Variants in TTC7B observed in about 807,000 individuals in gnomAD.
TTC7B encodes the protein tetratricopeptide repeat domain 7B.
In TTC7B, 28 loss-of-function variants were observed where a neutral mutation model predicts 106.8. The ratio of observed to expected loss-of-function variants is 0.26; its 90% CI spans 0.19 to 0.36. The LOEUF (loss-of-function observed/expected upper bound fraction) is 0.36. Ranked by LOEUF, TTC7B falls within the 10% of genes least tolerant of loss-of-function variation. The pLI is 1.00. For synonymous variants in TTC7B, 405 were observed against 430.6 expected, an observed-to-expected ratio of 0.94 and a Z score of 0.74; for missense variants, 862 against 1,076.4, an observed-to-expected ratio of 0.80 and a Z score of 2.79.
At chr14:90,551,131 C>T (rs978457396) in intron 19 of TTC7B, among the ~76,000 whole-genome samples, 4 of 152,188 alleles carry the variant, frequency 2.6e-5, no homozygotes, top group Admixed American at 2.6e-4. Context: ...AACACTCTTA[C>T]AGAGGAGAAA....
chr14:90,551,477 C>T (rs564020634), intron 19 of TTC7B, among the ~76,000 whole-genome samples: 1 of 152,256 alleles, frequency 6.6e-6, no homozygotes, highest in South Asian at 2.1e-4. Context: ...CACAGTTGGT[C>T]TGGCCGTCTG....
intron 9 of TTC7B, among the ~76,000 whole-genome samples, chr14:90,658,875 G>A (rs1358608359): frequency 3.9e-5 from 6 of 152,192 alleles, no homozygotes; most frequent in Non-Finnish European, 5.9e-5. Flanking sequence ...CTGCCGTGGT[G>A]AGTAATCTAC....
intron 17 of TTC7B, among the ~76,000 whole-genome samples, chr14:90,606,060 A>G (rs926741255): frequency 9.2e-5 from 14 of 152,370 alleles, no homozygotes; most frequent in African/African-American, 3.4e-4. Context: ...TTTAGCCTAC[A>G]ATATCCAGAA....
Position 90,812,814 on chromosome 14 carries a change from T to A in TTC7B, c.121+3361A>T, listed in dbSNP as rs535549565. 7.2e-5 allele frequency among the ~76,000 whole-genome samples: 11 copies of A among 152,312 alleles called. No individual in the cohort carries two copies. The East Asian group carries it at 1.4e-3, about 19-fold the overall frequency. ...ACTTGGCATTTGTCCTTTTCTTCCTTATCCACCTCTTGGCAAAACATCTAA... is the reference window on the plus strand; with the variant it reads ...ACTTGGCATTTGTCCTTTTCTTCCTAATCCACCTCTTGGCAAAACATCTAA... On this transcript the variant is annotated intron_variant, in intron 1 of 19. Coordinates refer to ENST00000328459, the MANE Select transcript of TTC7B (RefSeq NM_001010854.2).
intron 2 of TTC7B, among the ~76,000 whole-genome samples, chr14:90,783,205 G>A (rs566185774): frequency 2.8e-4 from 43 of 152,344 alleles, no homozygotes; most frequent in African/African-American, 9.6e-4. Context: ...CAAGCCAGAT[G>A]TCCTGACTCC....
chr14:90,580,576 C>T (rs775830583), intron 18 of TTC7B, among the ~76,000 whole-genome samples: 9 of 152,298 alleles, frequency 5.9e-5, no homozygotes, highest in South Asian at 2.1e-4. Context: ...TGCTTCCTAC[C>T]GCCTCCCGGA....
rs1371988064 is a variant in TTC7B, at chr14:90,759,776, C to T, written c.446-14854G>A. On this transcript the variant is annotated intron_variant, in intron 3 of 19. Transcript: ENST00000328459. The surrounding 1 kb of genome is among the most constrained non-coding windows in gnomAD (Gnocchi z 4.1). Reference sequence around the variant, plus strand: ...AGAAGTTTGCCCTTTTGCTTAGGCACCTTGTGTGTTATTCAGCTAGAGTTT... The same window carrying T: ...AGAAGTTTGCCCTTTTGCTTAGGCATCTTGTGTGTTATTCAGCTAGAGTTT... 6.6e-6 allele frequency among the ~76,000 whole-genome samples: 1 copy of T among 152,182 alleles called. No homozygotes were observed. The highest frequency in any genetic ancestry group is 2.1e-4 in the South Asian group (1 of 4,824).
chr14:90,633,833 C>A (rs961069551), intron 15 of TTC7B, among the ~76,000 whole-genome samples: 9 of 151,800 alleles, frequency 5.9e-5, no homozygotes, highest in Non-Finnish European at 8.8e-5. Context: ...CATCGGAATT[C>A]ATGAACACCT....
rs1325836662 is a variant in TTC7B, at chr14:90,576,273, A to G, written c.2310+1833T>C. Among the ~76,000 whole-genome samples the G allele has an allele frequency of 2.0e-5, 3 of 152,302 alleles. No homozygotes were observed. In the East Asian group the frequency reaches 5.8e-4, roughly 29 times the overall value. On this transcript the variant is annotated intron_variant, in intron 19 of 19. Coordinates refer to ENST00000328459, the MANE Select transcript of TTC7B (RefSeq NM_001010854.2). Reference sequence around the variant, plus strand: ...TGTACGTCTTCTAGATGCTCTCAGCAAAAGCACAGAGATCTGACAAGCTCT... The same window carrying G: ...TGTACGTCTTCTAGATGCTCTCAGCGAAAGCACAGAGATCTGACAAGCTCT...
At chr14:90,602,310 TG>T (rs1369591633) in intron 17 of TTC7B, 14 of 435,260 alleles carry the variant, frequency 3.2e-5, no homozygotes, top group Middle Eastern at 3.4e-4. Flanking sequence ...AGGCAGGAGA[TG>T]GACTGTCGTC....
At chr14:90,620,123 G>A (rs929628714) in intron 15 of TTC7B, among the ~76,000 whole-genome samples, 8 of 152,196 alleles carry the variant, frequency 5.3e-5, no homozygotes, top group Non-Finnish European at 1.0e-4. Flanking sequence ...TGCTCCCAGT[G>A]GGGCCACGGC....
chr14:90,767,066 A>C, intron 3 of TTC7B: 7 of 749,712 alleles, frequency 9.3e-6, no homozygotes, highest in Admixed American at 2.9e-5. Flanking sequence ...AAGAAAAGAA[A>C]TTCTGGGCTG....
chr14:90,592,487 T>C (rs1231692280), intron 18 of TTC7B, among the ~76,000 whole-genome samples: 1 of 152,122 alleles, frequency 6.6e-6, no homozygotes. Context: ...GGTGGACGGA[T>C]CACCTGAGGT....
Position 90,529,768 on chromosome 14 carries a change from T to C in TTC7B, c.*11600A>G, listed in dbSNP as rs1211214732. On this transcript the variant is annotated 3_prime_UTR_variant, in exon 20 of 20. Coordinates refer to ENST00000328459, the MANE Select transcript of TTC7B (RefSeq NM_001010854.2). ...ATGCTCAATAATTGTGAGCTGGCAT[T>C]ACCCATTCCATTGTATGTGGCATGA... The C allele has an allele frequency of 1.3e-5, 2 of 152,214 alleles. No individual in the cohort carries two copies. Among genetic ancestry groups the C allele is most frequent in the East Asian group, 3.8e-4 (2 of 5,198 alleles). 9.4% of individuals were successfully genotyped at this position (152,214 alleles called of 1,614,324 possible).
At position 90,726,350 on chromosome 14, in the gene TTC7B, G is replaced by A. The variant is rs114504757; in HGVS notation, c.698+3725C>T. ...GATTAGAATGTTATCCAAGCCCATGGTTATGCACCTTGAGCAGCATTGCCT... is the reference window on the plus strand; with the variant it reads ...GATTAGAATGTTATCCAAGCCCATGATTATGCACCTTGAGCAGCATTGCCT... On this transcript the variant is annotated intron_variant, in intron 5 of 19. Transcript: ENST00000328459. Among the ~76,000 whole-genome samples the A allele has an allele frequency of 3.7e-3, 566 of 152,256 alleles. 5 individuals are homozygous for A. The highest frequency in any genetic ancestry group is 0.013 in the African/African-American group (541 of 41,534).
At chr14:90,735,483 G>A (rs1001361469) in intron 4 of TTC7B, among the ~76,000 whole-genome samples, 1 of 151,578 alleles carries the variant, frequency 6.6e-6, no homozygotes, top group Middle Eastern at 3.4e-3. Flanking sequence ...CTCCAGCCTG[G>A]GTGACAGAGT....
chr14:90,581,576 C>G (rs760240574), intron 18 of TTC7B, among the ~76,000 whole-genome samples: 1 of 152,308 alleles, frequency 6.6e-6, no homozygotes, highest in East Asian at 1.9e-4. Flanking sequence ...TCCTGCCTCA[C>G]TGCCAAGCTG....
intron 11 of TTC7B, among the ~76,000 whole-genome samples, chr14:90,656,730 C>T (rs1821964343): frequency 6.6e-6 from 1 of 152,106 alleles, no homozygotes; most frequent in African/African-American, 2.4e-5. Flanking sequence ...AAGGTTGAGG[C>T]TGCAGTGAGC....
In TTC7B at chr14:90,532,212, T is replaced by G. The variant is rs1273317485; in HGVS notation, c.*9156A>C. 6.6e-6 allele frequency: 1 copy of G among 152,196 alleles called. No individual in the cohort carries two copies. The highest frequency in any genetic ancestry group is 1.5e-5 in the Non-Finnish European group (1 of 68,036). 9.4% of individuals were successfully genotyped at this position (152,196 alleles called of 1,614,324 possible). ...AATAAAAACCAAAACTACATAAAAC[T>G]ATTTGTAAAACTATATAAAACTACA... On this transcript the variant is annotated 3_prime_UTR_variant, in exon 20 of 20. Coordinates refer to ENST00000328459, the MANE Select transcript of TTC7B (RefSeq NM_001010854.2).
Sources: gnomAD v4.1 joint callset for allele counts (sites outside exome capture counted in the v4.1 genomes callset) on GRCh38, gnomAD v4.1.1 for gene constraint, Gnocchi (gnomAD v3.1) non-coding constraint, MANE v1.5 for transcripts, NCBI Gene and HGNC (gene_info 2026-07-23, HGNC 2026-07-21) for gene names.